Variants in CLIC2 observed in about 807,000 individuals in gnomAD.
The protein encoded by CLIC2 is CLIC family member 2.
A neutral mutation model predicts 14.8 loss-of-function variants in CLIC2; 9 were observed. That is an observed-to-expected ratio of 0.61 (90% CI 0.37 to 1.06). The LOEUF (loss-of-function observed/expected upper bound fraction) is 1.06. Ranked by LOEUF, CLIC2 falls within the 50% of genes least tolerant of loss-of-function variation. CLIC2 has a pLI of 0.01. For synonymous variants in CLIC2, 61 were observed against 66.3 expected, an observed-to-expected ratio of 0.92 and a Z score of 0.39; for missense variants, 148 against 181.4, an observed-to-expected ratio of 0.82 and a Z score of 1.06.
intron 1 of CLIC2, among the ~76,000 whole-genome samples, chrX:155,326,793 G>T (rs1417577848): frequency 9.0e-6 from 1 of 111,532 alleles, no homozygotes; most frequent in African/African-American, 3.3e-5. Context: ...CTTGGATGAA[G>T]TTCCAGGGAA....
chrX:155,315,615 A>G (rs2075092159), intron 1 of CLIC2, among the ~76,000 whole-genome samples: 1 of 111,812 alleles, frequency 8.9e-6, no homozygotes, highest in African/African-American at 3.2e-5. Flanking sequence ...AGGAGCTCTA[A>G]ATTTTGAAAC....
intron 1 of CLIC2, among the ~76,000 whole-genome samples, chrX:155,305,217 C>G (rs1347383112): frequency 4.5e-5 from 5 of 112,311 alleles, no homozygotes; most frequent in South Asian, 7.4e-4. Context: ...GACTGCTGTG[C>G]TAGCAATCAG....
intron 3 of CLIC2, among the ~76,000 whole-genome samples, chrX:155,298,511 C>T (rs1557318596): frequency 8.9e-6 from 1 of 112,001 alleles, no homozygotes; most frequent in African/African-American, 3.2e-5. Context: ...CCCTCACTCC[C>T]ATCTCACTAT....
At chrX:155,320,622 T>C (rs1366182082) in intron 1 of CLIC2, among the ~76,000 whole-genome samples, 1 of 111,405 alleles carries the variant, frequency 9.0e-6, no homozygotes, top group African/African-American at 3.3e-5. Context: ...GTGCAAAACG[T>C]CTGAAAATTC....
At position 155,277,767 on chromosome X, in the gene CLIC2, A is replaced by G. The variant is rs1360205107; in HGVS notation, c.*136T>C. Reference sequence around the variant, plus strand: ...ACAGATTATTTATGGCTAATAGAAAATACAGAGTTCCTTTTCATAAGAGAG... The same window carrying G: ...ACAGATTATTTATGGCTAATAGAAAGTACAGAGTTCCTTTTCATAAGAGAG... On this transcript the variant is annotated 3_prime_UTR_variant, in exon 6 of 6. Transcript: ENST00000369449. 1.9e-6 allele frequency: 1 copy of G among 537,470 alleles called. No individual in the cohort carries two copies. Among genetic ancestry groups the G allele is most frequent in the African/African-American group, 2.3e-5 (1 of 42,741 alleles). The allele number at this position is 537,470 out of a possible 1,213,427, so 44.3% of individuals were successfully genotyped here.
In CLIC2 at chrX:155,293,135, A is replaced by G. The variant is rs2074980624; in HGVS notation, c.293+5650T>C. On this transcript the variant is annotated intron_variant, in intron 3 of 5. Coordinates refer to ENST00000369449, the MANE Select transcript of CLIC2 (RefSeq NM_001289.6). ...TGAGGTGATGAGAAGCGGAAAAATA[A>G]AGGCACTTCGGACAGCTCCTCTGGC... The G allele has an allele frequency of 9.4e-6, 6 of 635,144 alleles. No individual in the cohort carries two copies. In the South Asian group the frequency reaches 1.1e-4, roughly 11 times the overall value. 52.3% of individuals were successfully genotyped at this position (635,144 alleles called of 1,213,427 possible).
At chrX:155,316,026 T>C (rs1234802922) in intron 1 of CLIC2, among the ~76,000 whole-genome samples, 1 of 111,203 alleles carries the variant, frequency 9.0e-6, no homozygotes, top group Non-Finnish European at 1.9e-5. Context: ...ACAGAGACAT[T>C]AAAGAATGAT....
intron 3 of CLIC2, among the ~76,000 whole-genome samples, chrX:155,288,232 G>T (rs2074949974): frequency 8.9e-6 from 1 of 111,839 alleles, no homozygotes; most frequent in Non-Finnish European, 1.9e-5. Flanking sequence ...CAGAAGGCAT[G>T]TAATTCTTCA....
chrX:155,287,897 A>ATTTG (rs2074948739), intron 3 of CLIC2, among the ~76,000 whole-genome samples: 3 of 111,331 alleles, frequency 2.7e-5, no homozygotes, highest in Admixed American at 1.9e-4. Flanking sequence ...ATATTTTTCC[A>ATTTG]TTTGTTTGTG....
chrX:155,280,192 A>C lies in CLIC2; in HGVS notation c.294-124T>G, dbSNP rs1390136897. ...TGTGCTGGAAACTAAACACCCTTAG[A>C]AGTCTCTCAGTAGAAGTTTATATTT... On this transcript the variant is annotated intron_variant, in intron 3 of 5. Transcript: ENST00000369449. 3 of 504,810 alleles carry C rather than the reference A, an allele frequency of 5.9e-6. No individual in the cohort carries two copies. The Admixed American group carries it at 9.1e-5, about 15-fold the overall frequency. The allele number at this position is 504,810 out of a possible 1,213,427, so 41.6% of individuals were successfully genotyped here.
intron 3 of CLIC2, among the ~76,000 whole-genome samples, chrX:155,297,686 CAA>C (rs1325026248): frequency 1.5e-4 from 8 of 52,141 alleles, no homozygotes; most frequent in African/African-American, 2.6e-4. Flanking sequence ...ACTAAAATTA[CAA>C]AAAAAAAAAA....
intron 5 of CLIC2, 139 bp downstream of exon 5, chrX:155,279,010 G>C: frequency 1.9e-6 from 1 of 526,025 alleles, no homozygotes; most frequent in Non-Finnish European, 3.4e-6. Flanking sequence ...AAAGAGAAAA[G>C]AGATGTATAT....
At chrX:155,290,990 T>C in intron 3 of CLIC2, 2 of 711,539 alleles carry the variant, frequency 2.8e-6, no homozygotes, top group East Asian at 3.2e-5. Flanking sequence ...CATGTAATGA[T>C]ACATCTTCCT....
rs1195695062 is a variant in CLIC2 at position 155,277,039 on chromosome X, T to G, written c.*864A>C. 3 of 112,418 alleles carry G rather than the reference T, an allele frequency of 2.7e-5. No homozygotes were observed. Among genetic ancestry groups the G allele is most frequent in the African/African-American group, 9.7e-5 (3 of 30,989 alleles). The allele number at this position is 112,418 out of a possible 1,213,427, so 9.3% of individuals were successfully genotyped here. On this transcript the variant is annotated 3_prime_UTR_variant, in exon 6 of 6. Transcript: ENST00000369449. ...AGCTTTTGTTTCCAGATTTGAATGA[T>G]TTAAGAGTACTTTAACAAGTGAATC...
intron 3 of CLIC2, chrX:155,292,301 C>G: frequency 1.8e-6 from 1 of 569,371 alleles, no homozygotes; most frequent in Non-Finnish European, 3.2e-6. Context: ...TACTGAAACT[C>G]AATGCACTCT....
intron 3 of CLIC2, among the ~76,000 whole-genome samples, chrX:155,298,032 G>A (rs6642265): frequency 9.2e-6 from 1 of 108,342 alleles, no homozygotes; most frequent in African/African-American, 3.3e-5. Context: ...AATAACCTAA[G>A]ACCTCAGTCA....
At chrX:155,284,541 G>A (rs183614124) in intron 3 of CLIC2, among the ~76,000 whole-genome samples, 15 of 111,723 alleles carry the variant, frequency 1.3e-4, no homozygotes, top group Admixed American at 1.0e-3. Context: ...TTACAGGCAT[G>A]AGCCACCGCG....
At chrX:155,282,176 T>C (rs1317313706) in intron 3 of CLIC2, among the ~76,000 whole-genome samples, 1 of 111,899 alleles carries the variant, frequency 8.9e-6, no homozygotes, top group Non-Finnish European at 1.9e-5. Flanking sequence ...GGGGGACACA[T>C]GGACATCCCT....
At chrX:155,305,591 G>A (rs2075052598) in intron 1 of CLIC2, among the ~76,000 whole-genome samples, 1 of 112,385 alleles carries the variant, frequency 8.9e-6, no homozygotes, top group South Asian at 3.6e-4. Flanking sequence ...GGCCATCTTG[G>A]CTCCTCCCTC....
Sources: allele counts gnomAD v4.1 joint callset (sites outside exome capture counted in the v4.1 genomes callset), GRCh38; gene constraint gnomAD v4.1.1; transcripts MANE v1.5; gene names NCBI Gene and HGNC (gene_info 2026-07-23, HGNC 2026-07-21).